SLC7A2: variants seen among roughly 807,000 people sequenced by gnomAD.
SLC7A2 encodes cationic amino acid transporter 2.
Under a neutral mutation model 58.9 loss-of-function variants are expected in SLC7A2, and 48 were observed. The observed-to-expected ratio is 0.82, with a 90% CI of 0.65 to 1.04. The LOEUF is 1.04. Ranked by LOEUF, SLC7A2 falls within the 50% of genes least tolerant of loss-of-function variation. The pLI, the probability that SLC7A2 is intolerant of heterozygous loss-of-function variation, is 0.00. For missense variants in SLC7A2, 1,029 were observed against 818.8 expected, an observed-to-expected ratio of 1.26 and a Z score of -3.13; for synonymous variants, 363 against 314.5, an observed-to-expected ratio of 1.15 and a Z score of -1.63.
In SLC7A2 at chr8:17,544,525, A is replaced by G; in HGVS notation, c.451A>G (p.Arg151Gly). 6.2e-7 allele frequency: 1 copy of G among 1,614,060 alleles called. No homozygotes were observed. Among genetic ancestry groups the G allele is most frequent in the South Asian group, 1.1e-5 (1 of 91,080 alleles). The stretch of plus-strand genomic sequence containing the variant: ...TAGCAAACAGATTGGTCAGTTTTTG[A>G]GGACATACTTCAGAATGAATTACAC... ...LLSKQIGQFL[R>G]TYFRMNYTGL... Residue 151 changes from arginine (R) to glycine (G), a missense_variant, in exon 4 of 13, where the codon AGG becomes GGG. Physicochemically the swap from Arg to Gly is moderately radical, Grantham distance 125. Transcript: ENST00000494857.
At chr8:17,497,919 C>A (rs1231343038) in intron 1 of SLC7A2, among the ~76,000 whole-genome samples, 6 of 152,146 alleles carry the variant, frequency 3.9e-5, no homozygotes, top group African/African-American at 1.2e-4. Context: ...AACCCATCAC[C>A]CCAGAGTACC....
chr8:17,553,465 A>G (rs1246377670), intron 7 of SLC7A2, among the ~76,000 whole-genome samples: 1 of 152,228 alleles, frequency 6.6e-6, no homozygotes, highest in Non-Finnish European at 1.5e-5. Flanking sequence ...CAAGCTCAAC[A>G]GAGCCTTATT....
intron 2 of SLC7A2, among the ~76,000 whole-genome samples, chr8:17,504,897 C>T (rs1364866890): frequency 6.6e-6 from 1 of 152,134 alleles, no homozygotes; most frequent in African/African-American, 2.4e-5. Context: ...TCCCATAGTT[C>T]CCTGATACAC....
Position 17,550,266 on chromosome 8 carries a change from A to T in SLC7A2, c.699-35A>T, listed in dbSNP as rs376209754. 3.1e-6 allele frequency: 5 copies of T among 1,603,914 alleles called. No homozygotes were observed. The African/African-American group carries it at 5.4e-5, about 17-fold the overall frequency. ...TCACCAGAAGGAGAGTTTTCTGTCA[A>T]AGTGACTTTCCAATGTGTTTGTTCT... On this transcript the variant is annotated intron_variant, in intron 5 of 12. Transcript: ENST00000494857.
chr8:17,505,664 C>G (rs1276886249), intron 2 of SLC7A2, among the ~76,000 whole-genome samples: 2 of 152,088 alleles, frequency 1.3e-5, no homozygotes, highest in African/African-American at 2.4e-5. Context: ...TTGTAAATGT[C>G]TGACATAAAC....
intron 8 of SLC7A2, chr8:17,555,143 G>A (rs1340234154): frequency 1.3e-6 from 2 of 1,527,796 alleles, no homozygotes; most frequent in Non-Finnish European, 1.8e-6. Flanking sequence ...TCGCATGCAT[G>A]GACTTATAAA....
intron 2 of SLC7A2, among the ~76,000 whole-genome samples, chr8:17,537,683 T>C (rs1305692550): frequency 2.0e-5 from 3 of 152,144 alleles, no homozygotes; most frequent in Non-Finnish European, 4.4e-5. Context: ...TGACAGGTCC[T>C]AGCAGCTTGG....
At chr8:17,542,251 T>G (rs1801943548) in intron 2 of SLC7A2, among the ~76,000 whole-genome samples, 1 of 152,200 alleles carries the variant, frequency 6.6e-6, no homozygotes, top group Non-Finnish European at 1.5e-5. Flanking sequence ...ATTAAGTTTT[T>G]ACGTGCTTTT....
intron 2 of SLC7A2, among the ~76,000 whole-genome samples, chr8:17,507,754 C>T (rs1329127804): frequency 6.6e-6 from 1 of 151,898 alleles, no homozygotes; most frequent in Non-Finnish European, 1.5e-5. Flanking sequence ...TAGAAATATG[C>T]CCTAAAGATT....
At chr8:17,557,777 G>A (rs574712938) in intron 8 of SLC7A2, among the ~76,000 whole-genome samples, 65 of 152,206 alleles carry the variant, frequency 4.3e-4, no homozygotes, top group African/African-American at 1.3e-3. Flanking sequence ...GCAGTAAGCC[G>A]AGATCGCACC....
At chr8:17,512,429 G>A (rs188588766) in intron 2 of SLC7A2, among the ~76,000 whole-genome samples, 1 of 152,124 alleles carries the variant, frequency 6.6e-6, no homozygotes, top group Non-Finnish European at 1.5e-5. Context: ...TGTCTGTAAT[G>A]CCAGCTACTT....
chr8:17,506,146 A>C (rs1361359300), intron 2 of SLC7A2, among the ~76,000 whole-genome samples: 3 of 152,212 alleles, frequency 2.0e-5, no homozygotes, highest in Non-Finnish European at 2.9e-5. Context: ...GTGTCTGTAC[A>C]ATTCATCAAG....
rs1266800511 is a variant in SLC7A2, at chr8:17,569,173, A to C, written c.*4027A>C. ...GAACATCACACCTTGGCGTGATGAAATCATGCCAAGATTCTGACTCTCCCT... is the reference window on the plus strand; with the variant it reads ...GAACATCACACCTTGGCGTGATGAACTCATGCCAAGATTCTGACTCTCCCT... On this transcript the variant is annotated 3_prime_UTR_variant, in exon 13 of 13. Coordinates refer to ENST00000494857, the MANE Select transcript of SLC7A2 (RefSeq NM_001370338.1). 1 of 152,100 alleles carries C rather than the reference A, an allele frequency of 6.6e-6. No homozygotes were observed. Among genetic ancestry groups the C allele is most frequent in the Non-Finnish European group, 1.5e-5 (1 of 68,032 alleles). The allele number at this position is 152,100 out of a possible 1,614,324, so 9.4% of individuals were successfully genotyped here.
Position 17,568,753 on chromosome 8 carries a change from C to G in SLC7A2, c.*3607C>G, listed in dbSNP as rs917582701. 1 of 151,784 alleles carries G rather than the reference C, an allele frequency of 6.6e-6. No individual in the cohort carries two copies. The highest frequency in any genetic ancestry group is 1.5e-5 in the Non-Finnish European group (1 of 68,012). 9.4% of individuals were successfully genotyped at this position (151,784 alleles called of 1,614,324 possible). ...TCGAGGCAAGCTGATCGCTTGAGCC[C>G]AGGAGTTTAAGACCGGCCTGAGTAG... On this transcript the variant is annotated 3_prime_UTR_variant, in exon 13 of 13. Transcript: ENST00000494857.
At chr8:17,547,850 G>T (rs565639701) in intron 4 of SLC7A2, among the ~76,000 whole-genome samples, 4 of 149,312 alleles carry the variant, frequency 2.7e-5, no homozygotes, top group African/African-American at 9.7e-5. Flanking sequence ...GGAAAAGCAC[G>T]GTTGATCTTT....
upstream of SLC7A2, among the ~76,000 whole-genome samples, chr8:17,494,354 G>C (rs1799911369): frequency 6.6e-6 from 1 of 152,154 alleles, no homozygotes. Flanking sequence ...AAGAATGTTT[G>C]TGAAATCTTT....
intron 2 of SLC7A2, among the ~76,000 whole-genome samples, chr8:17,523,916 G>GA (rs147712457): frequency 0.49 from 72,809 of 149,936 alleles, 17,925 homozygotes; most frequent in Non-Finnish European, 0.52. Flanking sequence ...AAATCAGCAA[G>GA]AAAAAAAAAT....
chr8:17,496,168 C>G (rs1034501542), upstream of SLC7A2, among the ~76,000 whole-genome samples: 2 of 152,118 alleles, frequency 1.3e-5, no homozygotes, highest in African/African-American at 2.4e-5. Context: ...TGGCTCAAGC[C>G]TGTAATTCTC....
chr8:17,530,198 CGCCGCT>C (rs1585216113), intron 2 of SLC7A2, among the ~76,000 whole-genome samples: 3 of 152,080 alleles, frequency 2.0e-5, no homozygotes, highest in African/African-American at 7.2e-5. Flanking sequence ...ATCCCCGGTC[CGCCGCT>C]GCTTCTTTGA....
Sources: gnomAD v4.1 joint callset for allele counts (sites outside exome capture counted in the v4.1 genomes callset) on GRCh38, gnomAD v4.1.1 for gene constraint, MANE v1.5 for transcripts, NCBI Gene and HGNC (gene_info 2026-07-23, HGNC 2026-07-21) for gene names.